Variants in TSHZ3 observed in about 807,000 individuals in gnomAD.
TSHZ3 encodes the protein teashirt homolog 3.
Under a neutral mutation model 64.5 loss-of-function variants are expected in TSHZ3, and 10 were observed. The observed-to-expected ratio is 0.16, with a 90% CI of 0.10 to 0.26. TSHZ3 has a LOEUF of 0.26. TSHZ3 is among the 10% of genes least tolerant of loss of function. The pLI, the probability that TSHZ3 is intolerant of heterozygous loss-of-function variation, is 1.00. For synonymous variants in TSHZ3, 608 were observed against 593.1 expected (o/e 1.03, Z -0.36); for missense variants, 1,242 against 1,421.7 (o/e 0.87, Z 2.03).
intron 1 of TSHZ3, among the ~76,000 whole-genome samples, chr19:31,311,349 G>A (rs557614197): frequency 1.1e-4 from 16 of 152,308 alleles, no homozygotes; most frequent in South Asian, 6.2e-4. Context: ...AAGAGCATTC[G>A]TGTCTGGGGA....
intron 4 of TSHZ3, chr19:31,207,632 A>G (rs753775762): frequency 2.0e-5 from 3 of 152,198 alleles, no homozygotes; most frequent in Non-Finnish European, 4.4e-5. Flanking sequence ...GGAAACTTGT[A>G]ATAAAACCAC....
Position 31,279,202 on chromosome 19 carries a change from G to A in TSHZ3, c.591C>T (p.Tyr197=). ...EPSLFSTVQL[Y]RQSSKLYGSI... ...AGCCATAGAGCTTGCTGCTCTGCCG[G>A]TACAGCTGCACGGTGCTGAAGAGGC... Residue 197 remains tyrosine (Y), a synonymous_variant, in exon 2 of 2, where the codon TAC becomes TAT. Coordinates refer to ENST00000240587, the MANE Select transcript of TSHZ3 (RefSeq NM_020856.4). The surrounding 1 kb of genome is among the most constrained non-coding windows in gnomAD (Gnocchi z 6.4). 1 of 1,613,956 alleles carries A rather than the reference G, an allele frequency of 6.2e-7. No homozygotes were observed. Among genetic ancestry groups the A allele is most frequent in the Non-Finnish European group, 8.5e-7 (1 of 1,179,882 alleles).
intron 1 of TSHZ3, among the ~76,000 whole-genome samples, chr19:31,339,300 A>G (rs1406541225): frequency 6.6e-6 from 1 of 152,086 alleles, no homozygotes; most frequent in East Asian, 1.9e-4. Context: ...CAAAGGCTGA[A>G]CAGTGTGGTT....
chr19:31,235,702 T>C (rs1468848512), intron 3 of TSHZ3, among the ~76,000 whole-genome samples: 21 of 137,770 alleles, frequency 1.5e-4, no homozygotes, highest in South Asian at 7.2e-4. Context: ...TCTTCTTCTT[T>C]TTTTTTTTTT....
At chr19:31,316,329 C>CTTGTATGCA (rs768631451) in intron 1 of TSHZ3, among the ~76,000 whole-genome samples, 100 of 152,298 alleles carry the variant, frequency 6.6e-4, no homozygotes, top group Middle Eastern at 3.4e-3. Context: ...CACTGGAATG[C>CTTGTATGCA]TTGTATGCAT....
chr19:31,295,903 G>A (rs1175063004), intron 1 of TSHZ3, among the ~76,000 whole-genome samples: 1 of 147,682 alleles, frequency 6.8e-6, no homozygotes, highest in Non-Finnish European at 1.5e-5. Context: ...ATATCTAACA[G>A]GTGGTTTTTC....
intron 5 of TSHZ3, among the ~76,000 whole-genome samples, chr19:31,197,788 G>T (rs1250624583): frequency 1.3e-5 from 2 of 151,926 alleles, no homozygotes; most frequent in African/African-American, 4.8e-5. Flanking sequence ...ATATTTATTA[G>T]CAAAATTGAA....
intron 5 of TSHZ3, among the ~76,000 whole-genome samples, chr19:31,188,264 T>C (rs1974843985): frequency 6.6e-6 from 1 of 152,000 alleles, no homozygotes; most frequent in South Asian, 2.1e-4. Context: ...CACTTATTTC[T>C]GACTATTTAC....
intron 1 of TSHZ3, among the ~76,000 whole-genome samples, chr19:31,297,242 C>T (rs994733713): frequency 9.8e-5 from 15 of 152,308 alleles, no homozygotes; most frequent in African/African-American, 3.1e-4. Flanking sequence ...ATCCCTCCTG[C>T]GGATCACGTC....
chr19:31,313,688 T>C (rs1316397703), intron 1 of TSHZ3, among the ~76,000 whole-genome samples: 1 of 152,036 alleles, frequency 6.6e-6, no homozygotes, highest in South Asian at 2.1e-4. Flanking sequence ...TTGGTGAGAG[T>C]CCCCTGAACA....
intron 1 of TSHZ3, among the ~76,000 whole-genome samples, chr19:31,329,343 T>C (rs920795110): frequency 2.6e-5 from 4 of 152,256 alleles, no homozygotes; most frequent in African/African-American, 9.6e-5. Flanking sequence ...GCATTCTGTG[T>C]AAGCAGGGCT....
chr19:31,324,621 T>G (rs1187544913), intron 1 of TSHZ3, among the ~76,000 whole-genome samples: 2 of 152,178 alleles, frequency 1.3e-5, no homozygotes, highest in East Asian at 3.9e-4. Context: ...ATATGGAACT[T>G]CCCTGAAATC....
intron 4 of TSHZ3, among the ~76,000 whole-genome samples, chr19:31,210,580 A>G (rs1289293262): frequency 6.6e-6 from 1 of 152,130 alleles, no homozygotes; most frequent in Non-Finnish European, 1.5e-5. Flanking sequence ...ACACTTCAAG[A>G]AGAAACAGGG....
chr19:31,181,519 T>C (rs1974714638), intron 5 of TSHZ3, among the ~76,000 whole-genome samples: 1 of 152,080 alleles, frequency 6.6e-6, no homozygotes, highest in Admixed American at 6.6e-5. Context: ...AGAACCACCG[T>C]AGTGGCTTGG....
Position 31,279,796 on chromosome 19 carries a change from T to G in TSHZ3, c.41-44A>C, listed in dbSNP as rs763608123. On this transcript the variant is annotated intron_variant, in intron 1 of 1. Coordinates refer to ENST00000240587, the MANE Select transcript of TSHZ3 (RefSeq NM_020856.4). The surrounding 1 kb of genome is among the most constrained non-coding windows in gnomAD (Gnocchi z 6.4). ...GGAAAGAGAGACAGGTAGGATGGAATGAAGAGAGACAGGGAGAAGGAGAGA... is the reference window on the plus strand; with the variant it reads ...GGAAAGAGAGACAGGTAGGATGGAAGGAAGAGAGACAGGGAGAAGGAGAGA... 2.8e-6 allele frequency: 4 copies of G among 1,444,660 alleles called. No homozygotes were observed. The Admixed American group carries it at 7.4e-5, about 27-fold the overall frequency. 89.5% of individuals were successfully genotyped at this position (1,444,660 alleles called of 1,614,324 possible). A position where few individuals can be genotyped will look rare whatever the true frequency, so the allele number is the denominator to read the frequency against.
chr19:31,308,673 C>T (rs982560435), intron 1 of TSHZ3: 2 of 398,444 alleles, frequency 5.0e-6, no homozygotes, highest in African/African-American at 4.1e-5. Context: ...CTCCACCCAC[C>T]ACGTGCTGAG....
chr19:31,265,719 G>A (rs1326591914), intron 1 of TSHZ3, among the ~76,000 whole-genome samples: 1 of 152,158 alleles, frequency 6.6e-6, no homozygotes, highest in Non-Finnish European at 1.5e-5. Context: ...CCTGAAAACA[G>A]GTGGGAACAC....
At chr19:31,204,049 A>G (rs1975126664) in intron 5 of TSHZ3, among the ~76,000 whole-genome samples, 1 of 152,140 alleles carries the variant, frequency 6.6e-6, no homozygotes, top group African/African-American at 2.4e-5. Flanking sequence ...AGCAGGGGAA[A>G]TGCCAGATGC....
intron 1 of TSHZ3, among the ~76,000 whole-genome samples, chr19:31,333,006 G>A (rs549962106): frequency 2.6e-5 from 4 of 151,988 alleles, no homozygotes; most frequent in African/African-American, 9.7e-5. Flanking sequence ...TCAGGAGGCT[G>A]AGGTGGGAGG....
Sources: gnomAD v4.1 joint callset for allele counts (sites outside exome capture counted in the v4.1 genomes callset) on GRCh38, gnomAD v4.1.1 for gene constraint, Gnocchi (gnomAD v3.1) non-coding constraint, MANE v1.5 for transcripts, NCBI Gene and HGNC (gene_info 2026-07-23, HGNC 2026-07-21) for gene names.